ASRGL1: variants seen among roughly 807,000 people sequenced by gnomAD.
ASRGL1 encodes the protein isoaspartyl peptidase/L-asparaginase.
Under a neutral mutation model 22.4 loss-of-function variants are expected in ASRGL1, and 16 were observed. The observed-to-expected ratio is 0.71, with a 90% CI of 0.48 to 1.08. ASRGL1 has a LOEUF of 1.08. ASRGL1 is among the 50% of genes least tolerant of loss of function. ASRGL1 has a pLI of 0.00. For synonymous variants in ASRGL1, 165 were observed against 159.3 expected (o/e 1.04, Z -0.27); for missense variants, 412 against 410.1 (o/e 1.00, Z -0.04).
In ASRGL1 at chr11:62,343,977, G is replaced by A. The variant is rs139359212; in HGVS notation, c.190+5810G>A. Among the ~76,000 whole-genome samples, 647 of 135,436 alleles carry A rather than the reference G, an allele frequency of 4.8e-3. 9 individuals are homozygous for A. Among genetic ancestry groups the A allele is most frequent in the African/African-American group, 0.017 (618 of 36,282 alleles). The allele number at this position is 135,436 out of a possible 152,430, so 88.9% of individuals were successfully genotyped here. A position where few individuals can be genotyped will look rare whatever the true frequency, so the allele number is the denominator to read the frequency against. ...GAGTCTCACTCTTGCTGCCCAGGCT[G>A]GAGAGAAATGGCGCGATCTCAGCTC... On this transcript the variant is annotated intron_variant, in intron 2 of 6. Transcript: ENST00000415229.
intron 2 of ASRGL1, 119 bp downstream of exon 2, chr11:62,338,286 A>T: frequency 2.8e-6 from 3 of 1,061,466 alleles, no homozygotes; most frequent in Non-Finnish European, 3.8e-6. Context: ...CTAAGTATGT[A>T]AAAAAGAAAC....
At chr11:62,356,074 C>G (rs1321751017) in intron 2 of ASRGL1, among the ~76,000 whole-genome samples, 1 of 152,196 alleles carries the variant, frequency 6.6e-6, no homozygotes, top group Non-Finnish European at 1.5e-5. Flanking sequence ...CCCCACCTTT[C>G]CCCCCTTTCT....
chr11:62,351,044 T>A (rs190815954), intron 2 of ASRGL1, among the ~76,000 whole-genome samples: 55 of 152,314 alleles, frequency 3.6e-4, no homozygotes, highest in African/African-American at 1.3e-3. Flanking sequence ...ATTTTTTAGC[T>A]ATTTGCTCTA....
At chr11:62,354,060 G>A (rs1946223339) in intron 2 of ASRGL1, among the ~76,000 whole-genome samples, 1 of 152,190 alleles carries the variant, frequency 6.6e-6, no homozygotes. Flanking sequence ...CTTACTGTTT[G>A]CCTACACATG....
At chr11:62,381,539 T>C (rs1468061703) in intron 4 of ASRGL1, among the ~76,000 whole-genome samples, 2 of 152,188 alleles carry the variant, frequency 1.3e-5, no homozygotes, top group Non-Finnish European at 2.9e-5. Flanking sequence ...GCTTTAATAA[T>C]GGCCCAATCA....
chr11:62,376,100 CAAAAAAA>C lies in ASRGL1; in HGVS notation c.492-13014_492-13008del, dbSNP rs35931241. On this transcript the variant is annotated intron_variant, in intron 4 of 6. Transcript: ENST00000415229. ...CTGGTGACGGAGCAAGACTCCATCT[CAAAAAAA>C]AAAAAAAAAAAAAAAAAAGCTACAA... is the stretch of plus-strand genomic sequence containing the variant. Among the ~76,000 whole-genome samples the C allele has an allele frequency of 1.7e-4, 9 of 51,562 alleles. No homozygotes were observed. In the Admixed American group the frequency reaches 2.7e-3, roughly 15 times the overall value. The allele number at this position is 51,562 out of a possible 152,430, so 33.8% of individuals were successfully genotyped here.
At chr11:62,372,099 T>C in intron 4 of ASRGL1, 1 of 777,568 alleles carries the variant, frequency 1.3e-6, no homozygotes, top group South Asian at 1.4e-5. Context: ...GCACACAGCC[T>C]CCTCATCACC....
chr11:62,356,306 A>G lies in ASRGL1; in HGVS notation c.191-19A>G, dbSNP rs762908641. 4 of 1,611,378 alleles carry G rather than the reference A, an allele frequency of 2.5e-6. No individual in the cohort carries two copies. In the South Asian group the frequency reaches 4.4e-5, roughly 18 times the overall value. On this transcript the variant is annotated intron_variant, in intron 2 of 6. Coordinates refer to ENST00000415229, the MANE Select transcript of ASRGL1 (RefSeq NM_001083926.2). ...CGTAAATTCTTAATTCTTGCTTTTCAACTTCTTTTTGGTTTTAGGTTGTGG... is the reference window on the plus strand; with the variant it reads ...CGTAAATTCTTAATTCTTGCTTTTCGACTTCTTTTTGGTTTTAGGTTGTGG...
At chr11:62,390,364 A>G (rs543469085) in intron 5 of ASRGL1, among the ~76,000 whole-genome samples, 7 of 152,348 alleles carry the variant, frequency 4.6e-5, no homozygotes, top group East Asian at 3.9e-4. Context: ...GCCACTGGCC[A>G]GGCCCCTGCC....
chr11:62,355,724 A>G (rs1032245493), intron 2 of ASRGL1, among the ~76,000 whole-genome samples: 34 of 151,874 alleles, frequency 2.2e-4, no homozygotes, highest in Non-Finnish European at 3.5e-4. Context: ...GCAGATAAAC[A>G]AGTGAACAAA....
chr11:62,390,743 C>T (rs1307041589), intron 5 of ASRGL1, among the ~76,000 whole-genome samples: 2 of 152,214 alleles, frequency 1.3e-5, no homozygotes, highest in Non-Finnish European at 2.9e-5. Flanking sequence ...GGCCTTGTGA[C>T]AATCCAATGC....
At chr11:62,367,712 G>A (rs1301029590) in intron 4 of ASRGL1, among the ~76,000 whole-genome samples, 1 of 151,984 alleles carries the variant, frequency 6.6e-6, no homozygotes, top group African/African-American at 2.4e-5. Flanking sequence ...GGGAGGCCGA[G>A]GTGGGTGGAT....
At chr11:62,397,620 C>T (rs193204628), downstream of ASRGL1, among the ~76,000 whole-genome samples, 146 of 148,492 alleles carry the variant, frequency 9.8e-4, 3 homozygotes, top group Non-Finnish European at 1.7e-3. Context: ...GCCAAGATCA[C>T]GCCATTGCAC....
intron 4 of ASRGL1, among the ~76,000 whole-genome samples, chr11:62,357,872 C>T (rs1374307561): frequency 6.6e-6 from 1 of 152,004 alleles, no homozygotes; most frequent in Non-Finnish European, 1.5e-5. Context: ...CTATTGACTC[C>T]GCATACTTTT....
At chr11:62,353,115 G>T (rs1281357892) in intron 2 of ASRGL1, among the ~76,000 whole-genome samples, 3 of 151,912 alleles carry the variant, frequency 2.0e-5, no homozygotes, top group Non-Finnish European at 4.4e-5. Flanking sequence ...GTTCATTTTG[G>T]TTTTTTCCAG....
intron 2 of ASRGL1, among the ~76,000 whole-genome samples, chr11:62,347,500 G>A (rs1015563648): frequency 6.6e-6 from 1 of 152,104 alleles, no homozygotes; most frequent in Admixed American, 6.6e-5. Context: ...CATACAAAAA[G>A]ATAACTTACC....
downstream of ASRGL1, among the ~76,000 whole-genome samples, chr11:62,397,230 A>G (rs574570671): frequency 8.5e-5 from 13 of 152,186 alleles, no homozygotes; most frequent in African/African-American, 2.6e-4. Flanking sequence ...GAGTTTCACC[A>G]TGTTGATCAG....
At position 62,389,345 on chromosome 11, in the gene ASRGL1, G is replaced by T. The variant is rs1339325495; in HGVS notation, c.610+94G>T. 4 of 1,216,714 alleles carry T rather than the reference G, an allele frequency of 3.3e-6. No homozygotes were observed. The African/African-American group carries it at 6.0e-5, about 18-fold the overall frequency. The allele number at this position is 1,216,714 out of a possible 1,614,324, so 75.4% of individuals were successfully genotyped here. A position where few individuals can be genotyped will look rare whatever the true frequency, so the allele number is the denominator to read the frequency against. On this transcript the variant is annotated intron_variant, in intron 5 of 6. Transcript: ENST00000415229. Reference sequence around the variant, plus strand: ...TCCCTGCCCCTCTCCGTTTCTTGCTGCGTTCCCTTTCTGCTTTTGGTGCAG... The same window carrying T: ...TCCCTGCCCCTCTCCGTTTCTTGCTTCGTTCCCTTTCTGCTTTTGGTGCAG...
At chr11:62,371,605 GGGGAGCTTTTGATTTT>G in intron 4 of ASRGL1, 2 of 669,602 alleles carry the variant, frequency 3.0e-6, no homozygotes, top group Non-Finnish European at 5.7e-6. Flanking sequence ...AAAGTGCAAA[GGGGAGCTTTTGATTTT>G]GGGGGCAACC....
Sources: gnomAD v4.1 joint callset for allele counts (sites outside exome capture counted in the v4.1 genomes callset) on GRCh38, gnomAD v4.1.1 for gene constraint, MANE v1.5 for transcripts, NCBI Gene and HGNC (gene_info 2026-07-23, HGNC 2026-07-21) for gene names.